RORA: variants seen among roughly 807,000 people sequenced by gnomAD.
The protein encoded by RORA is RAR related orphan receptor A.
In RORA, 7 loss-of-function variants were observed where a neutral mutation model predicts 69.5. The ratio of observed to expected loss-of-function variants is 0.10; its 90% CI spans 0.06 to 0.19. The LOEUF (loss-of-function observed/expected upper bound fraction) is 0.19. RORA is among the 10% of genes least tolerant of loss of function. The probability of loss-of-function intolerance (pLI) is 1.00; values close to 1 mark genes in which losing one functional copy is unlikely to be tolerated. For missense variants in RORA, 457 were observed against 663.0 expected (o/e 0.69, Z 3.41); for synonymous variants, 261 against 240.8 (o/e 1.08, Z -0.78).
At chr15:60,857,692 G>A (rs1007934476) in intron 1 of RORA, among the ~76,000 whole-genome samples, 7 of 152,286 alleles carry the variant, frequency 4.6e-5, no homozygotes, top group Admixed American at 1.3e-4. Context: ...AGCTTCAGCC[G>A]TGTAACCAAC....
chr15:60,974,687 A>G (rs1893826824), intron 1 of RORA, among the ~76,000 whole-genome samples: 1 of 152,188 alleles, frequency 6.6e-6, no homozygotes, highest in Non-Finnish European at 1.5e-5. Context: ...AGAAATCCCA[A>G]ACAAGGCCCC....
chr15:60,503,855 T>G (rs2353445), intron 6 of RORA, among the ~76,000 whole-genome samples, 188 bp from the exon 7 acceptor site: 1 of 152,150 alleles, frequency 6.6e-6, no homozygotes, highest in Non-Finnish European at 1.5e-5. Flanking sequence ...CAGGCTGGAG[T>G]GCAGTGGAAC....
chr15:61,109,339 G>C (rs904917684), intron 1 of RORA, among the ~76,000 whole-genome samples: 2 of 152,174 alleles, frequency 1.3e-5, no homozygotes, highest in African/African-American at 4.8e-5. Context: ...TAGAACAGTG[G>C]CTAGCACATT....
chr15:60,859,628 T>C (rs2140423491), intron 1 of RORA, among the ~76,000 whole-genome samples: 1 of 145,746 alleles, frequency 6.9e-6, no homozygotes, highest in African/African-American at 2.5e-5. Context: ...ACACCCGGGT[T>C]TTTTTTCTTT....
intron 5 of RORA, among the ~76,000 whole-genome samples, chr15:60,508,028 C>T (rs546994668): frequency 6.6e-6 from 1 of 152,188 alleles, no homozygotes; most frequent in African/African-American, 2.4e-5. Flanking sequence ...TCACCAACAG[C>T]CTTTCATTCC....
At chr15:61,021,617 C>G (rs1054262128) in intron 1 of RORA, among the ~76,000 whole-genome samples, 2 of 152,224 alleles carry the variant, frequency 1.3e-5, no homozygotes, top group African/African-American at 4.8e-5. Context: ...TCTCAAGGAA[C>G]AGCTTAAGCA....
rs533353865 is a variant in RORA at position 60,933,877 on chromosome 15, G to GGT, written c.167-255193_167-255192dup. On this transcript the variant is annotated intron_variant, in intron 1 of 10. Transcript: ENST00000335670. ...TTCTGTTGGCCATGAAATGTCTTTG[G>GGT]GTGTGTGCACACAGACTCCCACAAA... 1.0e-3 allele frequency among the ~76,000 whole-genome samples: 152 copies of GGT among 152,270 alleles called. 1 individual carries two copies. The highest frequency in any genetic ancestry group is 3.5e-3 in the African/African-American group (147 of 41,544).
chr15:60,531,499 T>G lies in RORA; in HGVS notation c.282+267A>C. ...TAAAAAAGATTGCCACAGAGATTGC[T>G]CATGAGTTCAACTCTGGGGTTGAAA... is the stretch of plus-strand genomic sequence containing the variant. On this transcript the variant is annotated intron_variant, in intron 3 of 10. Coordinates refer to ENST00000335670, the MANE Select transcript of RORA (RefSeq NM_134261.3). The surrounding 1 kb of genome is among the most constrained non-coding windows in gnomAD (Gnocchi z 4.8). 2.7e-6 allele frequency: 1 copy of G among 365,414 alleles called. No individual in the cohort carries two copies. The highest frequency in any genetic ancestry group is 4.8e-6 in the Non-Finnish European group (1 of 206,946). The allele number at this position is 365,414 out of a possible 1,614,324, so 22.6% of individuals were successfully genotyped here. A position where few individuals can be genotyped will look rare whatever the true frequency, so the allele number is the denominator to read the frequency against.
chr15:60,884,365 G>A (rs1262740349), intron 1 of RORA, among the ~76,000 whole-genome samples: 1 of 151,524 alleles, frequency 6.6e-6, no homozygotes, highest in Non-Finnish European at 1.5e-5. Context: ...GCCTCTTTGG[G>A]ACTGCAACCC....
At chr15:61,132,350 C>T (rs2079197459) in intron 1 of RORA, among the ~76,000 whole-genome samples, 1 of 151,876 alleles carries the variant, frequency 6.6e-6, no homozygotes, top group African/African-American at 2.4e-5. Flanking sequence ...AAAACAAAGA[C>T]AATTCAACAA....
intron 1 of RORA, among the ~76,000 whole-genome samples, chr15:60,968,082 A>G (rs1338197464): frequency 6.6e-6 from 1 of 152,214 alleles, no homozygotes. Context: ...TTAAGCACCA[A>G]TAATAAATAT....
chr15:60,515,147 C>T (rs966381137), intron 3 of RORA, among the ~76,000 whole-genome samples: 12 of 152,170 alleles, frequency 7.9e-5, no homozygotes, highest in African/African-American at 2.9e-4. Flanking sequence ...AAACACTTCC[C>T]TGGAATATCC....
At chr15:60,863,928 T>C (rs1358153659) in intron 1 of RORA, among the ~76,000 whole-genome samples, 2 of 151,862 alleles carry the variant, frequency 1.3e-5, no homozygotes, top group African/African-American at 4.8e-5. Context: ...TTCCTCAGCC[T>C]CCCAAGAAGC....
At chr15:61,003,003 G>A (rs1595871735) in intron 1 of RORA, among the ~76,000 whole-genome samples, 2 of 150,182 alleles carry the variant, frequency 1.3e-5, no homozygotes, top group East Asian at 3.9e-4. Context: ...AATTAGCCAG[G>A]TGTGGTGGCG....
At chr15:61,006,307 G>A (rs1420646603) in intron 1 of RORA, among the ~76,000 whole-genome samples, 1 of 151,960 alleles carries the variant, frequency 6.6e-6, no homozygotes, top group Non-Finnish European at 1.5e-5. Context: ...TGTGTTTCAT[G>A]ATTTCTACAG....
intron 2 of RORA, among the ~76,000 whole-genome samples, chr15:60,608,242 T>C (rs993472789): frequency 6.6e-6 from 1 of 152,230 alleles, no homozygotes; most frequent in Non-Finnish European, 1.5e-5. Context: ...GTTCTGTCTC[T>C]TTCACTCCAC....
intron 1 of RORA, among the ~76,000 whole-genome samples, chr15:61,222,434 G>A (rs1229821314): frequency 6.6e-6 from 1 of 152,232 alleles, no homozygotes. Flanking sequence ...GCATTAGCAT[G>A]TAAGAGCTGG....
intron 2 of RORA, among the ~76,000 whole-genome samples, chr15:60,612,711 C>A (rs1364781103): frequency 7.0e-6 from 1 of 142,278 alleles, no homozygotes; most frequent in Non-Finnish European, 1.5e-5. Flanking sequence ...ACTCTGTCCC[C>A]AGGGGTAAAG....
chr15:60,956,341 A>T (rs1048289291), intron 1 of RORA, among the ~76,000 whole-genome samples: 8 of 152,254 alleles, frequency 5.3e-5, no homozygotes. Flanking sequence ...CAATTCCAAA[A>T]GGTAGATACT....
Sources: allele counts gnomAD v4.1 joint callset (sites outside exome capture counted in the v4.1 genomes callset), GRCh38; gene constraint gnomAD v4.1.1; non-coding constraint Gnocchi (gnomAD v3.1); transcripts MANE v1.5; gene names NCBI Gene and HGNC (gene_info 2026-07-23, HGNC 2026-07-21).